Variants in COL3A1 observed in about 807,000 individuals in gnomAD.
The protein encoded by COL3A1 is collagen type III alpha 1 chain.
A neutral mutation model predicts 200.9 loss-of-function variants in COL3A1; 46 were observed. That is an observed-to-expected ratio of 0.23 (90% confidence interval 0.18 to 0.29). The LOEUF (loss-of-function observed/expected upper bound fraction) is 0.29, where lower values mean the gene tolerates loss of function less well. Among genes scored for constraint, COL3A1 ranks in the 10% least tolerant of loss-of-function variants. The probability of loss-of-function intolerance (pLI) is 1.00; values close to 1 mark genes in which losing one functional copy is unlikely to be tolerated. For synonymous variants in COL3A1, 650 were observed against 628.0 expected, an observed-to-expected ratio of 1.03 and a Z score of -0.52; for missense variants, 1,367 against 1,917.6, an observed-to-expected ratio of 0.71 and a Z score of 5.36.
Position 189,003,049 on chromosome 2 carries a change from G to A in COL3A1, c.2540G>A (p.Gly847Asp), listed in dbSNP as rs1336654706. The change falls in exon 36 of 51, where the codon GGT becomes GAT. Residue 847 changes from glycine to aspartate, a missense_variant. Physicochemically the swap from Gly to Asp is moderately conservative, Grantham distance 94 (BLOSUM62 -1). Coordinates refer to ENST00000304636, the MANE Select transcript of COL3A1 (RefSeq NM_000090.4). Reference protein sequence around the residue: ...GPPGVAGPPGGSGPAGPPGPQ... With the variant: ...GPPGVAGPPGDSGPAGPPGPQ... Reference sequence around the variant, plus strand: ...CCTGGAGTTGCAGGACCCCCTGGAGGTTCTGGACCTGCTGTAAGTTCCTTC... The same window carrying A: ...CCTGGAGTTGCAGGACCCCCTGGAGATTCTGGACCTGCTGTAAGTTCCTTC... 6.4e-7 allele frequency: 1 copy of A among 1,550,980 alleles called. No homozygotes were observed. The highest frequency in any genetic ancestry group is 8.7e-7 in the Non-Finnish European group (1 of 1,146,598).
chr2:188,990,956 G>A, intron 10 of COL3A1, 48 bp from the exon 11 acceptor site: 2 of 1,547,142 alleles, frequency 1.3e-6, no homozygotes, highest in Non-Finnish European at 1.8e-6. Flanking sequence ...AATCATTCTA[G>A]ATTATTAACA....
chr2:188,990,273 G>C (rs559185461), intron 9 of COL3A1, 34 bp from the exon 10 acceptor site: 1 of 1,600,322 alleles, frequency 6.2e-7, no homozygotes, highest in Admixed American at 1.7e-5. Context: ...TCTATTTGAA[G>C]GTTCATTAAT....
chr2:189,001,634 G>C (rs753822245), intron 34 of COL3A1, 45 bp downstream of exon 34: 13 of 1,604,776 alleles, frequency 8.1e-6, no homozygotes, highest in Non-Finnish European at 1.1e-5. Context: ...ACCCCATACA[G>C]ACAGTAGCTA....
In COL3A1 at chr2:188,984,883, A is replaced by G. The variant is rs376603102; in HGVS notation, c.203A>G (p.Asp68Gly). Residue 68 changes from aspartate (D) to glycine (G), a missense_variant, in exon 2 of 51, where the codon GAC (aspartate) becomes GGC (glycine). Transcript: ENST00000304636. ...GSVLCDDIIC[D>G]DQELDCPNPE... The stretch of plus-strand genomic sequence containing the variant: ...GTTCTCTGCGATGACATAATATGTG[A>G]CGATCAAGAATTAGACTGCCCCAAC... 3.8e-5 allele frequency: 62 copies of G among 1,613,148 alleles called. No homozygotes were observed. The highest frequency in any genetic ancestry group is 5.1e-5 in the Non-Finnish European group (60 of 1,179,462).
intron 48 of COL3A1, among the ~76,000 whole-genome samples, chr2:189,009,828 C>T (rs6757347): frequency 0.31 from 46,821 of 151,914 alleles, 7,745 homozygotes; most frequent in African/African-American, 0.44. Context: ...ACTATTGGAA[C>T]AAATCTAGGT....
chr2:189,003,484 A>G lies in COL3A1; in HGVS notation c.2607+20A>G. ...GGACCTGTAAGTATTGATCCTCTTAACTATTATTGAAAAGCATTAATTGAT... is the reference window on the plus strand; with the variant it reads ...GGACCTGTAAGTATTGATCCTCTTAGCTATTATTGAAAAGCATTAATTGAT... On this transcript the variant is annotated intron_variant, in intron 37 of 50. Coordinates refer to ENST00000304636, the MANE Select transcript of COL3A1 (RefSeq NM_000090.4). 1 of 1,609,552 alleles carries G rather than the reference A, an allele frequency of 6.2e-7. No individual in the cohort carries two copies.
Position 189,008,139 on chromosome 2 carries a change from T to A in COL3A1, c.3522T>A (p.Ser1174=), listed in dbSNP as rs1576472993. 3.1e-6 allele frequency: 5 copies of A among 1,611,550 alleles called. No homozygotes were observed. Among genetic ancestry groups the A allele is most frequent in the Non-Finnish European group, 4.2e-6 (5 of 1,178,462 alleles). ...GAGGTAACAGAGGTGAAAGAGGATC[T>A]GAGGTAAGACATCACTTATACGTAT... ...GPRGNRGERG[S]EGSPGHPGQP... The change falls in exon 47 of 51, where the codon TCT becomes TCA. Residue 1174 remains serine (S), a synonymous_variant. Transcript: ENST00000304636.
intron 38 of COL3A1, 96 bp downstream of exon 38, chr2:189,003,883 C>T: frequency 6.4e-7 from 1 of 1,571,242 alleles, no homozygotes. Flanking sequence ...ACTTATTTCT[C>T]TAGTAAGTCT....
In COL3A1 at chr2:189,006,233, G is replaced by A; in HGVS notation, c.3067G>A (p.Gly1023Ser). The change falls in exon 42 of 51, where the codon GGC becomes AGC. Residue 1023 changes from glycine (G) to serine (S), a missense_variant. Transcript: ENST00000304636. ...DGNPGSDGLP[G>S]RDGSPGGKGD... ...AAACCCTGGATCAGATGGTCTTCCA[G>A]GCCGAGATGGATCTCCTGGTGGCAA... The A allele has an allele frequency of 6.2e-7, 1 of 1,614,168 alleles. No individual in the cohort carries two copies. The highest frequency in any genetic ancestry group is 8.5e-7 in the Non-Finnish European group (1 of 1,180,022).
chr2:188,976,158 A>T (rs576506121), intron 1 of COL3A1, among the ~76,000 whole-genome samples: 2 of 151,796 alleles, frequency 1.3e-5, no homozygotes, highest in African/African-American at 4.8e-5. Context: ...TCCCCCACCA[A>T]CCATTTATTG....
intron 21 of COL3A1, 69 bp from the exon 22 acceptor site, chr2:188,995,623 C>A: frequency 9.0e-7 from 1 of 1,104,980 alleles, no homozygotes; most frequent in Non-Finnish European, 1.3e-6. Context: ...TCTTTGTAAC[C>A]AAAATATTGT....
chr2:189,009,803 G>C (rs1290785576), intron 48 of COL3A1, among the ~76,000 whole-genome samples: 2 of 152,114 alleles, frequency 1.3e-5, no homozygotes, highest in African/African-American at 2.4e-5. Context: ...CAATCATAGG[G>C]ATTTCAGCTT....
intron 4 of COL3A1, 63 bp from the exon 5 acceptor site, chr2:188,986,996 C>A: frequency 1.4e-6 from 2 of 1,467,530 alleles, no homozygotes; most frequent in Non-Finnish European, 1.9e-6. Flanking sequence ...CTTCTAAATG[C>A]TTTTTAAAAG....
At chr2:189,008,683 C>T in intron 47 of COL3A1, 1 of 571,956 alleles carries the variant, frequency 1.7e-6, no homozygotes. Flanking sequence ...ATAGAGAAAA[C>T]TTGTGCTCTG....
chr2:188,997,504 GA>G, intron 26 of COL3A1, 115 bp downstream of exon 26: 1 of 1,254,602 alleles, frequency 8.0e-7, no homozygotes, highest in Non-Finnish European at 1.2e-6. Flanking sequence ...CCAAAGCAAT[GA>G]TGAAACTTGC....
chr2:188,986,984 C>A (rs1482683994), intron 4 of COL3A1, 75 bp from the exon 5 acceptor site: 7 of 1,269,860 alleles, frequency 5.5e-6, no homozygotes, highest in African/African-American at 1.5e-5. Context: ...ATGTTGCATG[C>A]ACTTCTAAAT....
rs375362835 is a variant in COL3A1, at chr2:188,988,675, T to C, written c.636+32T>C. The C allele has an allele frequency of 3.4e-6, 5 of 1,485,150 alleles. No homozygotes were observed. The Admixed American group carries it at 5.1e-5, about 15-fold the overall frequency. The allele number at this position is 1,485,150 out of a possible 1,614,324, so 92.0% of individuals were successfully genotyped here. A position where few individuals can be genotyped will look rare whatever the true frequency, so the allele number is the denominator to read the frequency against. The stretch of plus-strand genomic sequence containing the variant: ...AACAATTAAATTTATATTTAGTAAG[T>C]CGATAATTCCATATGGAACCTACCT... On this transcript the variant is annotated intron_variant, in intron 7 of 50. Transcript: ENST00000304636.
chr2:189,007,355 C>A, intron 44 of COL3A1, 145 bp from the exon 45 acceptor site: 1 of 632,638 alleles, frequency 1.6e-6, no homozygotes. Context: ...AGAAACAAAT[C>A]TCATTTCCTA....
chr2:188,989,009 TC>T (rs1688121539), intron 7 of COL3A1, among the ~76,000 whole-genome samples: 1 of 151,742 alleles, frequency 6.6e-6, no homozygotes, highest in African/African-American at 2.4e-5. Context: ...TATACATATA[TC>T]TTAGACAGTA....
Sources: allele counts gnomAD v4.1 joint callset (sites outside exome capture counted in the v4.1 genomes callset), GRCh38; gene constraint gnomAD v4.1.1; transcripts MANE v1.5; gene names NCBI Gene and HGNC (gene_info 2026-07-23, HGNC 2026-07-21).